The following SLC9D1 variants were observed in gnomAD, a reference collection of about 807,000 sequenced individuals.
The protein encoded by SLC9D1 is solute carrier family 9 member D1, also known as putative LAG1-interacting protein.
At chr13:113,537,396 G>A in the SLC9D1 span, among the ~76,000 whole-genome samples, 4,516 of 152,328 alleles carry the variant, frequency 0.03, 183 homozygotes, top group African/African-American at 0.09. Context: ...GCCGTGTCGC[G>A]TGGCGGCTTC....
the SLC9D1 span, among the ~76,000 whole-genome samples, chr13:113,542,905 C>T: frequency 5.9e-5 from 9 of 152,126 alleles, no homozygotes; most frequent in South Asian, 2.1e-4. Flanking sequence ...GGCCCCTTGT[C>T]GCAGGTGAAA....
At chr13:113,540,175 G>C in the SLC9D1 span, among the ~76,000 whole-genome samples, 1 of 152,182 alleles carries the variant, frequency 6.6e-6, no homozygotes, top group South Asian at 2.1e-4. Context: ...TGTCTTTGCT[G>C]CTGTGAATGG....
chr13:113,543,162 C>CTG, the SLC9D1 span, among the ~76,000 whole-genome samples: 2 of 67,442 alleles, frequency 3.0e-5, no homozygotes, highest in Non-Finnish European at 5.7e-5. Context: ...CCCGCCCTAC[C>CTG]TCTGTCCGGA....
At chr13:113,526,471 G>A in the SLC9D1 span, among the ~76,000 whole-genome samples, 9 of 152,060 alleles carry the variant, frequency 5.9e-5, no homozygotes, top group Non-Finnish European at 1.0e-4. Context: ...TGTAATCCTA[G>A]TCTTTGGGAG....
chr13:113,549,544 C>A, the SLC9D1 span: 1 of 1,613,898 alleles, frequency 6.2e-7, no homozygotes, highest in East Asian at 2.2e-5. Flanking sequence ...TCTGATGGCT[C>A]GGAGATGATG....
At chr13:113,538,205 C>A in the SLC9D1 span, among the ~76,000 whole-genome samples, 1 of 140,696 alleles carries the variant, frequency 7.1e-6, no homozygotes, top group Non-Finnish European at 1.5e-5. Context: ...GTGTGTGTGG[C>A]ATGTGTGCAT....
chr13:113,544,022 G>A, the SLC9D1 span, among the ~76,000 whole-genome samples: 140 of 152,330 alleles, frequency 9.2e-4, 2 homozygotes, highest in East Asian at 0.02. Flanking sequence ...GCATCTGCCC[G>A]CTTCAGACGG....
chr13:113,547,383 T>G, the SLC9D1 span: 1 of 1,612,014 alleles, frequency 6.2e-7, no homozygotes, highest in Non-Finnish European at 8.5e-7. Context: ...GATGAAGGTA[T>G]GGACTGGAAG....
At chr13:113,506,861 C>T in the SLC9D1 span, among the ~76,000 whole-genome samples, 1 of 152,202 alleles carries the variant, frequency 6.6e-6, no homozygotes, top group Non-Finnish European at 1.5e-5. Flanking sequence ...GCATGTGCTT[C>T]ATCAGGCCTG....
the SLC9D1 span, chr13:113,510,143 C>T: frequency 8.5e-7 from 1 of 1,174,170 alleles, no homozygotes; most frequent in Non-Finnish European, 1.2e-6. Flanking sequence ...TCAGCTCTGC[C>T]TCCTTTCCTG....
the SLC9D1 span, among the ~76,000 whole-genome samples, chr13:113,531,351 C>G: frequency 6.6e-6 from 1 of 152,268 alleles, no homozygotes; most frequent in Non-Finnish European, 1.5e-5. Flanking sequence ...GTCAGATGTG[C>G]TGATGGGAAG....
chr13:113,525,847 A>G, the SLC9D1 span, among the ~76,000 whole-genome samples: 4 of 150,024 alleles, frequency 2.7e-5, no homozygotes, highest in South Asian at 8.4e-4. Flanking sequence ...CTGTTATTCT[A>G]GAACAAGCCA....
the SLC9D1 span, chr13:113,495,994 G>T: frequency 1.9e-6 from 3 of 1,612,606 alleles, no homozygotes; most frequent in Non-Finnish European, 2.5e-6. Context: ...AGCCGGCAGC[G>T]CCTGGAGGCC....
At chr13:113,505,372 T>G in the SLC9D1 span, 1 of 152,192 alleles carries the variant, frequency 6.6e-6, no homozygotes, top group Non-Finnish European at 1.5e-5. Context: ...CAAACATAAG[T>G]TTTTAAAAAA....
chr13:113,498,221 C>T, the SLC9D1 span: 1 of 725,460 alleles, frequency 1.4e-6, no homozygotes, highest in Non-Finnish European at 2.1e-6. Context: ...CCTAGCTGAC[C>T]AGAATTAAGT....
the SLC9D1 span, among the ~76,000 whole-genome samples, chr13:113,499,028 G>T: frequency 6.6e-6 from 1 of 152,214 alleles, no homozygotes; most frequent in Admixed American, 6.5e-5. Context: ...TGCTAAGCAA[G>T]GGGTAGGTTA....
the SLC9D1 span, among the ~76,000 whole-genome samples, chr13:113,506,469 G>C: frequency 2.6e-5 from 4 of 152,090 alleles, no homozygotes; most frequent in Admixed American, 6.6e-5. Flanking sequence ...GGATGTGGCT[G>C]TCCAGTGCCC....
the SLC9D1 span, among the ~76,000 whole-genome samples, chr13:113,517,387 C>T: frequency 2.6e-5 from 4 of 152,216 alleles, no homozygotes; most frequent in East Asian, 3.9e-4. Context: ...CGCCCGCCAC[C>T]ACGCCCGGCT....
At chr13:113,531,916 T>G in the SLC9D1 span, among the ~76,000 whole-genome samples, 2 of 152,244 alleles carry the variant, frequency 1.3e-5, no homozygotes, top group African/African-American at 4.8e-5. Flanking sequence ...ATGGTGGCTG[T>G]GGAGAGCTTG....
Sources: allele counts gnomAD v4.1 joint callset (sites outside exome capture counted in the v4.1 genomes callset), GRCh38; gene constraint gnomAD v4.1.1; transcripts MANE v1.5; gene names NCBI Gene and HGNC (gene_info 2026-07-23, HGNC 2026-07-21).